VPS13D: variants seen among roughly 807,000 people sequenced by gnomAD.
The protein encoded by VPS13D is intermembrane lipid transfer protein VPS13D.
Under a neutral mutation model 461.9 loss-of-function variants are expected in VPS13D, and 187 were observed. That is an observed-to-expected ratio of 0.40 (90% CI 0.36 to 0.46). The LOEUF (loss-of-function observed/expected upper bound fraction) is 0.46. Ranked by LOEUF, VPS13D falls within the 20% of genes least tolerant of loss-of-function variation. The pLI, the probability that VPS13D is intolerant of heterozygous loss-of-function variation, is 0.60. For missense variants in VPS13D, 4,711 were observed against 5,364.9 expected, an observed-to-expected ratio of 0.88 and a Z score of 3.81; for synonymous variants, 1,951 against 1,986.3, an observed-to-expected ratio of 0.98 and a Z score of 0.47.
chr1:12,293,692 T>G lies in VPS13D; in HGVS notation c.6021T>G (p.Ile2007Met). 1 of 1,613,732 alleles carries G rather than the reference T, an allele frequency of 6.2e-7. No homozygotes were observed. The highest frequency in any genetic ancestry group is 8.5e-7 in the Non-Finnish European group (1 of 1,179,922). Residue 2007 changes from isoleucine (I) to methionine (M), a missense_variant, in exon 24 of 70, where the codon ATT becomes ATG. Ile to Met is a conservative substitution (Grantham distance 10). Around this residue, in one of 3 missense-constraint regions of VPS13D, gnomAD observed 4,411 missense variants for 4,937.8 expected, o/e 0.89. Coordinates refer to ENST00000620676, the MANE Select transcript of VPS13D (RefSeq NM_015378.4). ...QDVLGRQRAA[I>M]EGQTVRDQAQ... ...TCTTAGGGCGCCAGCGAGCTGCTAT[T>G]GAGGGGCAGACGGTAGGTAGCCTGG...
chr1:12,266,891 T>C lies in VPS13D; in HGVS notation c.1605T>C (p.Leu535=). ...FMQLEFSDVK[L]LAESLPRRNS... ...ATTTATCTTTTATAGATGTAAAACTTCTAGCAGAGTCTCTTCCTCGAAGAA... is the reference window on the plus strand; with the variant it reads ...ATTTATCTTTTATAGATGTAAAACTCCTAGCAGAGTCTCTTCCTCGAAGAA... The change falls in exon 14 of 70, where the codon CTT becomes CTC. Residue 535 remains leucine, a synonymous_variant. Transcript: ENST00000620676. 1 of 1,592,908 alleles carries C rather than the reference T, an allele frequency of 6.3e-7. No homozygotes were observed. Among genetic ancestry groups the C allele is most frequent in the Non-Finnish European group, 8.5e-7 (1 of 1,172,050 alleles).
At chr1:12,404,975 C>T (rs1461528402) in intron 63 of VPS13D, among the ~76,000 whole-genome samples, 1 of 152,244 alleles carries the variant, frequency 6.6e-6, no homozygotes, top group Non-Finnish European at 1.5e-5. Flanking sequence ...CTTCTCACTG[C>T]CCCATGCTGC....
At chr1:12,422,654 A>G (rs374933756) in intron 65 of VPS13D, among the ~76,000 whole-genome samples, 1 of 152,238 alleles carries the variant, frequency 6.6e-6, no homozygotes, top group African/African-American at 2.4e-5. Context: ...AATACATACT[A>G]ATGTATAAAC....
chr1:12,390,589 T>A (rs1367650247), intron 60 of VPS13D, among the ~76,000 whole-genome samples: 2 of 152,228 alleles, frequency 1.3e-5, no homozygotes, highest in Non-Finnish European at 2.9e-5. Flanking sequence ...AACCCGTATC[T>A]GGAGTAAGCG....
In VPS13D at chr1:12,416,871, G is replaced by A. The variant is rs781144244; in HGVS notation, c.12333+44G>A. 6 of 1,550,492 alleles carry A rather than the reference G, an allele frequency of 3.9e-6. No individual in the cohort carries two copies. The African/African-American group carries it at 8.3e-5, about 21-fold the overall frequency. ...AATTCCATTATAATTAACCTCACGAGTCCTCTACAGTACTACAATTTCTTT... is the reference window on the plus strand; with the variant it reads ...AATTCCATTATAATTAACCTCACGAATCCTCTACAGTACTACAATTTCTTT... On this transcript the variant is annotated intron_variant, in intron 65 of 69. Coordinates refer to ENST00000620676, the MANE Select transcript of VPS13D (RefSeq NM_015378.4).
Position 12,362,833 on chromosome 1 carries a change from G to A in VPS13D, c.10255G>A (p.Glu3419Lys), listed in dbSNP as rs975235961. Residue 3419 changes from glutamate (E) to lysine (K), a missense_variant, in exon 51 of 70, where the codon GAA (glutamate) becomes AAA (lysine). This residue lies in a region of VPS13D where 4,411 missense variants were observed against 4,937.8 expected (regional missense o/e 0.89). Transcript: ENST00000620676. Reference protein sequence around the residue: ...SSHKLAFAQREFARGQGTANP... With the variant: ...SSHKLAFAQRKFARGQGTANP... ...TCACAAGCTTGCATTTGCACAGAGG[G>A]AATTTGCCAGGGGACAGGTGAGCAG... is the stretch of plus-strand genomic sequence containing the variant. 1 of 1,614,174 alleles carries A rather than the reference G, an allele frequency of 6.2e-7. No individual in the cohort carries two copies. The highest frequency in any genetic ancestry group is 1.7e-5 in the Admixed American group (1 of 60,016).
intron 56 of VPS13D, 63 bp from the exon 57 acceptor site, chr1:12,379,425 C>A: frequency 2.1e-6 from 3 of 1,454,826 alleles, no homozygotes; most frequent in South Asian, 2.4e-5. Context: ...TCCTCATGTT[C>A]CCTTCAGGCG....
At chr1:12,414,594 G>A (rs1644771771) in intron 63 of VPS13D, among the ~76,000 whole-genome samples, 4 of 152,166 alleles carry the variant, frequency 2.6e-5, no homozygotes, top group African/African-American at 9.7e-5. Flanking sequence ...CATCACTGTG[G>A]TTGTCTTTGG....
At chr1:12,477,710 A>G (rs2100471480) in intron 67 of VPS13D, among the ~76,000 whole-genome samples, 1 of 152,184 alleles carries the variant, frequency 6.6e-6, no homozygotes, top group East Asian at 1.9e-4. Context: ...ATCCCCTATA[A>G]ACACTTCCCT....
intron 65 of VPS13D, among the ~76,000 whole-genome samples, chr1:12,432,237 T>C (rs1411833183): frequency 1.3e-5 from 2 of 151,704 alleles, no homozygotes; most frequent in Non-Finnish European, 2.9e-5. Context: ...CTACTAAAAA[T>C]ACAAAATTAG....
rs751257714 is a variant in VPS13D, at chr1:12,288,232, C to T, written c.5644C>T (p.Leu1882Phe). Residue 1882 changes from leucine (L) to phenylalanine (F), a missense_variant, in exon 22 of 70, where the codon CTT becomes TTT. Transcript: ENST00000620676. ...NTKLDLKVHS[L>F]SLVLNKTTSE... ...TCTTGTCTGTTCCTAGGTTCATTCACTTTCTCTAGTGCTGAATAAGACCAC... is the reference window on the plus strand; with the variant it reads ...TCTTGTCTGTTCCTAGGTTCATTCATTTTCTCTAGTGCTGAATAAGACCAC... 1 of 1,613,134 alleles carries T rather than the reference C, an allele frequency of 6.2e-7. No individual in the cohort carries two copies. Among genetic ancestry groups the T allele is most frequent in the Non-Finnish European group, 8.5e-7 (1 of 1,179,266 alleles).
In VPS13D at chr1:12,275,803, ATCT is replaced by A. The variant is rs1159372569; in HGVS notation, c.2237-17_2237-15del. On this transcript the variant is annotated intron_variant, in intron 18 of 69. Coordinates refer to ENST00000620676, the MANE Select transcript of VPS13D (RefSeq NM_015378.4). The stretch of plus-strand genomic sequence containing the variant: ...AGGGAAATAGCAGACATATATTTGA[ATCT>A]TCTTTTTTTTATCTTCAGATAACTC... 3.9e-6 allele frequency: 6 copies of A among 1,542,060 alleles called. No homozygotes were observed. The highest frequency in any genetic ancestry group is 2.6e-6 in the Non-Finnish European group (3 of 1,147,090).
intron 65 of VPS13D, among the ~76,000 whole-genome samples, chr1:12,445,228 T>G (rs938297458): frequency 6.6e-6 from 1 of 152,202 alleles, no homozygotes; most frequent in African/African-American, 2.4e-5. Context: ...TGGTGAATCT[T>G]TTTTATAAAC....
chr1:12,290,908 C>A, intron 22 of VPS13D, 90 bp from the exon 23 acceptor site: 1 of 1,255,544 alleles, frequency 8.0e-7, no homozygotes, highest in Non-Finnish European at 1.1e-6. Context: ...AAGTCTGAGG[C>A]ATGTGTATAC....
In VPS13D at chr1:12,244,637, A is replaced by G. The variant is rs79820334; in HGVS notation, c.447+20A>G. 30,375 of 1,605,092 alleles carry G rather than the reference A, an allele frequency of 0.019. 373 individuals carry two copies. The highest frequency in any genetic ancestry group is 0.027 in the Middle Eastern group (163 of 6,032). On this transcript the variant is annotated intron_variant, in intron 5 of 69. Coordinates refer to ENST00000620676, the MANE Select transcript of VPS13D (RefSeq NM_015378.4). Reference sequence around the variant, plus strand: ...ATTGAAGTAAGTCCTGCTGACTTTTATAAAAGTATCAACGTGAAAGGGATT... The same window carrying G: ...ATTGAAGTAAGTCCTGCTGACTTTTGTAAAAGTATCAACGTGAAAGGGATT...
At chr1:12,447,264 G>A (rs914765663) in intron 65 of VPS13D, among the ~76,000 whole-genome samples, 2 of 152,138 alleles carry the variant, frequency 1.3e-5, no homozygotes, top group Admixed American at 1.3e-4. Context: ...AAAAGTCATG[G>A]TTGGGTTACC....
intron 50 of VPS13D, among the ~76,000 whole-genome samples, chr1:12,359,622 A>G (rs1196924495): frequency 1.3e-5 from 2 of 152,328 alleles, no homozygotes; most frequent in South Asian, 2.1e-4. Context: ...TATCATTTAC[A>G]TATTTATCCT....
At chr1:12,322,845 T>A in intron 34 of VPS13D, 99 bp downstream of exon 34, 1 of 983,398 alleles carries the variant, frequency 1.0e-6, no homozygotes, top group Non-Finnish European at 1.5e-6. Flanking sequence ...GTACACAGTT[T>A]AATTGTATGT....
In VPS13D at chr1:12,230,128, C is replaced by T. The variant is rs1414601933; in HGVS notation, c.-77+8C>T. 1.3e-5 allele frequency: 2 copies of T among 151,988 alleles called. No individual in the cohort carries two copies. Among genetic ancestry groups the T allele is most frequent in the East Asian group, 1.9e-4 (1 of 5,140 alleles). 9.4% of individuals were successfully genotyped at this position (151,988 alleles called of 1,614,324 possible). The stretch of plus-strand genomic sequence containing the variant: ...GGCCCGGGACACCGACAGGTAGGGG[C>T]CGAGCGGCTCCGTGCCGGGCGGGGC... On this transcript the variant is annotated splice_region_variant and intron_variant, in intron 1 of 69. Transcript: ENST00000620676.
Sources: allele counts gnomAD v4.1 joint callset (sites outside exome capture counted in the v4.1 genomes callset), GRCh38; gene constraint gnomAD v4.1.1; regional missense constraint gnomAD v4.1.1; transcripts MANE v1.5; gene names NCBI Gene and HGNC (gene_info 2026-07-23, HGNC 2026-07-21).